Variants in SYTL5 observed in about 807,000 individuals in gnomAD.
The protein encoded by SYTL5 is synaptotagmin-like protein 5.
Under a neutral mutation model 55.9 loss-of-function variants are expected in SYTL5, and 34 were observed. That is an observed-to-expected ratio of 0.61 (90% CI 0.46 to 0.81). SYTL5 has a LOEUF of 0.81. Ranked by LOEUF, SYTL5 falls within the 30% of genes least tolerant of loss-of-function variation. The pLI, the probability that SYTL5 is intolerant of heterozygous loss-of-function variation, is 0.00. For synonymous variants in SYTL5, 221 were observed against 188.7 expected (o/e 1.17, Z -1.40); for missense variants, 637 against 546.7 (o/e 1.17, Z -1.65).
At chrX:38,047,283 C>T (rs1935491670) in intron 2 of SYTL5, among the ~76,000 whole-genome samples, 1 of 113,014 alleles carries the variant, frequency 8.8e-6, no homozygotes, top group African/African-American at 3.2e-5. Flanking sequence ...CAAACTTTTG[C>T]CTAGGCATCC....
the SYTL5 span, among the ~76,000 whole-genome samples, chrX:37,988,224 A>G: frequency 9.0e-6 from 1 of 111,581 alleles, no homozygotes; most frequent in Non-Finnish European, 1.9e-5. Context: ...GTAAATAGGA[A>G]GGAAGGGGCC....
At chrX:38,078,507 G>T (rs1238687998) in intron 6 of SYTL5, among the ~76,000 whole-genome samples, 2 of 110,254 alleles carry the variant, frequency 1.8e-5, no homozygotes, top group Non-Finnish European at 3.8e-5. Context: ...TGATCCACCC[G>T]CCTCGGCCTC....
chrX:37,966,170 T>C, the SYTL5 span, among the ~76,000 whole-genome samples: 3 of 111,612 alleles, frequency 2.7e-5, no homozygotes, highest in African/African-American at 9.8e-5. Flanking sequence ...TTTAGTTCTT[T>C]TCTCCCTTTT....
Position 38,076,670 on chromosome X carries a change from C to T in SYTL5, c.658C>T (p.Arg220Trp), listed in dbSNP as rs762352414. ...YSLDLDGQHF[R>W]SLKSPPGSDR... ...CTTGGACTTAGACGGTCAACATTTT[C>T]GGAGTTTAAAATCACCTCCTGGTTC... is the stretch of plus-strand genomic sequence containing the variant. The change falls in exon 6 of 17, where the codon CGG becomes TGG. Residue 220 changes from arginine to tryptophan, a missense_variant. Arg to Trp is a moderately radical substitution (Grantham distance 101). Transcript: ENST00000297875. 3.3e-6 allele frequency: 4 copies of T among 1,210,591 alleles called. No homozygotes were observed. Among genetic ancestry groups the T allele is most frequent in the Non-Finnish European group, 3.4e-6 (3 of 894,892 alleles).
the SYTL5 span, among the ~76,000 whole-genome samples, chrX:37,993,581 C>T: frequency 6.2e-5 from 7 of 112,171 alleles, no homozygotes; most frequent in Non-Finnish European, 1.3e-4. Flanking sequence ...AGGAAATTGG[C>T]GGATATTATA....
the SYTL5 span, among the ~76,000 whole-genome samples, chrX:37,944,119 C>T: frequency 9.0e-6 from 1 of 111,208 alleles, no homozygotes; most frequent in Non-Finnish European, 1.9e-5. Flanking sequence ...CATGGCCTGA[C>T]ATAGCTGAGG....
chrX:38,062,339 A>G (rs751789163), intron 3 of SYTL5, among the ~76,000 whole-genome samples: 6 of 112,217 alleles, frequency 5.3e-5, no homozygotes, highest in African/African-American at 1.6e-4. Flanking sequence ...GCAACATATT[A>G]CCGTGCTATA....
At position 38,020,273 on chromosome X, in the gene SYTL5, A is replaced by T. The variant is rs183085264; in HGVS notation, c.-356-13261A>T. On this transcript the variant is annotated intron_variant, in intron 1 of 16. Transcript: ENST00000297875. ...TTTTTTAACTGATTTTATATGTAACATGTATTCATTGTAAAAACATATAAA... is the reference window on the plus strand; with the variant it reads ...TTTTTTAACTGATTTTATATGTAACTTGTATTCATTGTAAAAACATATAAA... Among the ~76,000 whole-genome samples, 42 of 109,132 alleles carry T rather than the reference A, an allele frequency of 3.8e-4. No homozygotes were observed. In the East Asian group the frequency reaches 0.011, roughly 30 times the overall value. The allele number at this position is 109,132 out of a possible 115,157, so 94.8% of individuals were successfully genotyped here.
At chrX:38,101,598 C>T (rs977474363) in intron 9 of SYTL5, among the ~76,000 whole-genome samples, 8 of 109,020 alleles carry the variant, frequency 7.3e-5, no homozygotes, top group Middle Eastern at 9.5e-3. Flanking sequence ...AGAAAAGTGC[C>T]CATAATAAAA....
At chrX:38,078,935 T>C (rs752545936) in intron 6 of SYTL5, among the ~76,000 whole-genome samples, 2 of 112,321 alleles carry the variant, frequency 1.8e-5, no homozygotes, top group Non-Finnish European at 3.8e-5. Flanking sequence ...TTAAGCATGT[T>C]AAGAACAATA....
chrX:38,010,730 A>G lies in SYTL5; in HGVS notation c.-357+4062A>G, dbSNP rs764712016. Among the ~76,000 whole-genome samples the G allele has an allele frequency of 5.4e-5, 6 of 111,825 alleles. No homozygotes were observed. In the South Asian group the frequency reaches 2.3e-3, roughly 42 times the overall value. On this transcript the variant is annotated intron_variant, in intron 1 of 16. Coordinates refer to ENST00000297875, the MANE Select transcript of SYTL5 (RefSeq NM_138780.3). Reference sequence around the variant, plus strand: ...GAGGACAAGGGCCCTTAGAAATGTCATTCCTCACAATTTATAGGATTATTG... The same window carrying G: ...GAGGACAAGGGCCCTTAGAAATGTCGTTCCTCACAATTTATAGGATTATTG...
chrX:37,970,024 A>T, the SYTL5 span, among the ~76,000 whole-genome samples: 1 of 112,039 alleles, frequency 8.9e-6, no homozygotes, highest in African/African-American at 3.2e-5. Flanking sequence ...AAGTTTAAAA[A>T]CTTCTTGCAT....
At chrX:38,100,434 C>A (rs1937052613) in intron 9 of SYTL5, among the ~76,000 whole-genome samples, 1 of 111,155 alleles carries the variant, frequency 9.0e-6, no homozygotes, top group Admixed American at 9.6e-5. Context: ...TTTTCAAGAA[C>A]CTATGGATGA....
chrX:38,023,158 C>T (rs915708455), intron 1 of SYTL5, among the ~76,000 whole-genome samples: 2 of 112,043 alleles, frequency 1.8e-5, no homozygotes, highest in Non-Finnish European at 3.8e-5. Context: ...GCTGATGAAC[C>T]ACGGTGGTGT....
intron 2 of SYTL5, among the ~76,000 whole-genome samples, chrX:38,053,655 A>G (rs147400220): frequency 0.011 from 1,211 of 111,960 alleles, 10 homozygotes; most frequent in Middle Eastern, 0.046. Context: ...TCTTAAGTGC[A>G]TGGAGATTGT....
At chrX:37,990,976 G>C in the SYTL5 span, 2 of 1,212,033 alleles carry the variant, frequency 1.7e-6, no homozygotes, top group South Asian at 1.8e-5. Context: ...CAAAGCCAGA[G>C]TTCCTCCACA....
At chrX:38,125,590 A>G in intron 16 of SYTL5, 84 bp downstream of exon 16, 1 of 670,386 alleles carries the variant, frequency 1.5e-6, no homozygotes, top group Non-Finnish European at 2.3e-6. Context: ...TGTGCAGTGG[A>G]TGTATATATA....
At chrX:37,945,168 T>C in the SYTL5 span, among the ~76,000 whole-genome samples, 1 of 112,660 alleles carries the variant, frequency 8.9e-6, no homozygotes, top group Non-Finnish European at 1.9e-5. Flanking sequence ...TATATGATTT[T>C]AGAATTTACC....
the SYTL5 span, among the ~76,000 whole-genome samples, chrX:37,959,077 T>C: frequency 2.7e-5 from 3 of 111,271 alleles, no homozygotes; most frequent in African/African-American, 6.6e-5. Flanking sequence ...GACTGAATAC[T>C]TGTAGATCTA....
Sources: gnomAD v4.1 joint callset for allele counts (sites outside exome capture counted in the v4.1 genomes callset) on GRCh38, gnomAD v4.1.1 for gene constraint, MANE v1.5 for transcripts, NCBI Gene and HGNC (gene_info 2026-07-23, HGNC 2026-07-21) for gene names.